DRC11: variants seen among roughly 807,000 people sequenced by gnomAD.
DRC11 encodes the protein IQ and AAA domain-containing protein 1.
chr2:236,322,157 A>G, the DRC11 span, among the ~76,000 whole-genome samples: 2 of 151,850 alleles, frequency 1.3e-5, no homozygotes, highest in African/African-American at 4.8e-5. Context: ...CTCAGCCAGA[A>G]GCCCCTCTCA....
the DRC11 span, among the ~76,000 whole-genome samples, chr2:236,358,802 C>T: frequency 0.11 from 16,034 of 143,128 alleles, 1,146 homozygotes; most frequent in Non-Finnish European, 0.16. Context: ...AGAGGTCTGA[C>T]CTCTGGATTT....
the DRC11 span, among the ~76,000 whole-genome samples, chr2:236,326,708 AATTAT>A: frequency 6.6e-6 from 1 of 151,400 alleles, no homozygotes; most frequent in Non-Finnish European, 1.5e-5. Context: ...TGAACATCTT[AATTAT>A]ATTAATTTAA....
chr2:236,439,691 C>T, the DRC11 span, among the ~76,000 whole-genome samples: 2 of 152,110 alleles, frequency 1.3e-5, no homozygotes, highest in African/African-American at 4.8e-5. Flanking sequence ...ATATTTATCA[C>T]TTCTTTCCTT....
the DRC11 span, among the ~76,000 whole-genome samples, chr2:236,407,597 C>T: frequency 4.4e-4 from 67 of 152,224 alleles, no homozygotes; most frequent in Non-Finnish European, 8.1e-4. Flanking sequence ...CACACACACA[C>T]GGGCCACATG....
At chr2:236,340,099 T>G in the DRC11 span, among the ~76,000 whole-genome samples, 1 of 152,266 alleles carries the variant, frequency 6.6e-6, no homozygotes, top group African/African-American at 2.4e-5. Flanking sequence ...CAGAAAAGTC[T>G]TGCACTTCTT....
chr2:236,427,572 G>A, the DRC11 span, among the ~76,000 whole-genome samples: 3 of 152,030 alleles, frequency 2.0e-5, no homozygotes, highest in African/African-American at 4.8e-5. The surrounding 1 kb of genome is among the most constrained non-coding windows in gnomAD (Gnocchi z 5.9). Context: ...ACGATCTTTT[G>A]TATTTCTATG....
chr2:236,421,884 G>A, the DRC11 span, among the ~76,000 whole-genome samples: 1 of 152,264 alleles, frequency 6.6e-6, no homozygotes, highest in East Asian at 1.9e-4. Context: ...TCATCCCTGG[G>A]ATGCAAGGCT....
chr2:236,350,241 T>G, the DRC11 span, among the ~76,000 whole-genome samples: 1 of 152,192 alleles, frequency 6.6e-6, no homozygotes, highest in Non-Finnish European at 1.5e-5. This position sits in a 1 kb window ranked among gnomAD's most constrained non-coding sequence, Gnocchi z 5.2. Context: ...TCCTTTAACG[T>G]GTAGCTCCTT....
the DRC11 span, among the ~76,000 whole-genome samples, chr2:236,357,958 T>C: frequency 6.8e-5 from 7 of 103,632 alleles, no homozygotes; most frequent in Admixed American, 5.4e-4. Context: ...TATAAATATA[T>C]ATAATATATG....
chr2:236,420,435 G>A, the DRC11 span, among the ~76,000 whole-genome samples: 1 of 152,202 alleles, frequency 6.6e-6, no homozygotes, highest in Non-Finnish European at 1.5e-5. This position sits in a 1 kb window ranked among gnomAD's most constrained non-coding sequence, Gnocchi z 4.8. Context: ...ACAAAGGAAT[G>A]TAAGGGAATG....
chr2:236,332,210 T>A, the DRC11 span: 1 of 154,056 alleles, frequency 6.5e-6, no homozygotes, highest in South Asian at 2.0e-4. This position sits in a 1 kb window ranked among gnomAD's most constrained non-coding sequence, Gnocchi z 5.1. Flanking sequence ...GTCCTTCAGA[T>A]GAGTCCTGGG....
At chr2:236,419,296 C>G in the DRC11 span, 1 of 1,516,882 alleles carries the variant, frequency 6.6e-7, no homozygotes, top group Non-Finnish European at 8.8e-7. This position sits in a 1 kb window ranked among gnomAD's most constrained non-coding sequence, Gnocchi z 4.8. Context: ...AATAATCATA[C>G]CATTTTCATA....
the DRC11 span, chr2:236,486,915 A>G: frequency 6.3e-7 from 1 of 1,580,666 alleles, no homozygotes; most frequent in African/African-American, 1.3e-5. The surrounding 1 kb of genome is among the most constrained non-coding windows in gnomAD (Gnocchi z 5.7). Context: ...AAACAAATAA[A>G]TGGTTACTTG....
chr2:236,342,226 C>G, the DRC11 span, among the ~76,000 whole-genome samples: 2 of 152,208 alleles, frequency 1.3e-5, no homozygotes, highest in Admixed American at 6.5e-5. The surrounding 1 kb of genome is among the most constrained non-coding windows in gnomAD (Gnocchi z 5.8). Context: ...GGAGTGCCAG[C>G]CTCCTGGATG....
At chr2:236,393,097 G>A in the DRC11 span, among the ~76,000 whole-genome samples, 3 of 152,168 alleles carry the variant, frequency 2.0e-5, no homozygotes, top group Non-Finnish European at 2.9e-5. The surrounding 1 kb of genome is among the most constrained non-coding windows in gnomAD (Gnocchi z 4.7). Context: ...ACTTGGAAGA[G>A]GTCTCCCATG....
At chr2:236,397,343 G>A in the DRC11 span, among the ~76,000 whole-genome samples, 1 of 152,286 alleles carries the variant, frequency 6.6e-6, no homozygotes, top group East Asian at 1.9e-4. This position sits in a 1 kb window ranked among gnomAD's most constrained non-coding sequence, Gnocchi z 5.0. Flanking sequence ...AGGGAGCCCT[G>A]CTTTCCACAT....
At chr2:236,488,084 A>T in the DRC11 span, 1 of 1,609,424 alleles carries the variant, frequency 6.2e-7, no homozygotes, top group Non-Finnish European at 8.5e-7. Context: ...ATTCTTGCAG[A>T]TAGATTTGCT....
the DRC11 span, among the ~76,000 whole-genome samples, chr2:236,498,595 A>G: frequency 1.3e-5 from 2 of 152,176 alleles, no homozygotes; most frequent in African/African-American, 4.8e-5. Context: ...AGGAAGCCAG[A>G]GAGCAGAGGA....
At chr2:236,375,292 T>A in the DRC11 span, among the ~76,000 whole-genome samples, 2 of 152,052 alleles carry the variant, frequency 1.3e-5, no homozygotes, top group African/African-American at 2.4e-5. This position sits in a 1 kb window ranked among gnomAD's most constrained non-coding sequence, Gnocchi z 4.2. Flanking sequence ...TCAGAAGGGA[T>A]GAGAAATTAA....
Sources: allele counts gnomAD v4.1 joint callset (sites outside exome capture counted in the v4.1 genomes callset), GRCh38; gene constraint gnomAD v4.1.1; non-coding constraint Gnocchi (gnomAD v3.1); transcripts MANE v1.5; gene names NCBI Gene and HGNC (gene_info 2026-07-23, HGNC 2026-07-21).